The following PGP variants were observed in gnomAD, a reference collection of about 807,000 sequenced individuals.
PGP encodes the protein phosphoglycolate phosphatase.
A neutral mutation model predicts 19.3 loss-of-function variants in PGP; 9 were observed. That is an observed-to-expected ratio of 0.47 (90% CI 0.28 to 0.81). The LOEUF (loss-of-function observed/expected upper bound fraction) is 0.81, where lower values mean the gene tolerates loss of function less well. PGP is among the 40% of genes least tolerant of loss of function. The probability of loss-of-function intolerance (pLI) is 0.11; values close to 1 mark genes in which losing one functional copy is unlikely to be tolerated. For synonymous variants in PGP, 308 were observed against 226.8 expected, an observed-to-expected ratio of 1.36 and a Z score of -3.22; for missense variants, 403 against 479.9, an observed-to-expected ratio of 0.84 and a Z score of 1.50.
Position 2,212,640 on chromosome 16 carries a change from T to C in PGP, c.*1088A>G, listed in dbSNP as rs1175969580. The C allele has an allele frequency of 1.0e-6, 1 of 985,398 alleles. No individual in the cohort carries two copies. The highest frequency in any genetic ancestry group is 1.7e-5 in the African/African-American group (1 of 57,246). 61.0% of individuals were successfully genotyped at this position (985,398 alleles called of 1,614,324 possible). ...AAGGGGAGGACAGGAAGAGACTGGA[T>C]GCTTTGTAAAGGACTTCCTGTTCTT... On this transcript the variant is annotated 3_prime_UTR_variant, in exon 2 of 2. Transcript: ENST00000333503.
chr16:2,213,580 C>A lies in PGP; in HGVS notation c.*148G>T. 2 of 783,024 alleles carry A rather than the reference C, an allele frequency of 2.6e-6. No homozygotes were observed. The highest frequency in any genetic ancestry group is 3.7e-6 in the Non-Finnish European group (2 of 537,038). 48.5% of individuals were successfully genotyped at this position (783,024 alleles called of 1,614,324 possible). ...AAATCGTCCCCCAAACGTGTACTTA[C>A]AAGGTTAACAATGAATGCCTTTGCT... On this transcript the variant is annotated 3_prime_UTR_variant, in exon 2 of 2. Coordinates refer to ENST00000333503, the MANE Select transcript of PGP (RefSeq NM_001042371.3).
At position 2,213,678 on chromosome 16, in the gene PGP, T is replaced by G. The variant is rs886861919; in HGVS notation, c.*50A>C. The G allele has an allele frequency of 6.8e-7, 1 of 1,467,476 alleles. No individual in the cohort carries two copies. 90.9% of individuals were successfully genotyped at this position (1,467,476 alleles called of 1,614,324 possible). The stretch of plus-strand genomic sequence containing the variant: ...AGCCCCACCTATTAATTTGGGTAAC[T>G]GGTTTTCAATTTCTTTTTTTTTATT... On this transcript the variant is annotated 3_prime_UTR_variant, in exon 2 of 2. Coordinates refer to ENST00000333503, the MANE Select transcript of PGP (RefSeq NM_001042371.3).
chr16:2,211,957 G>C lies in PGP; in HGVS notation c.*1771C>G, dbSNP rs1159074676. 4.1e-6 allele frequency: 4 copies of C among 985,428 alleles called. No homozygotes were observed. The highest frequency in any genetic ancestry group is 4.8e-6 in the Non-Finnish European group (4 of 829,994). 61.0% of individuals were successfully genotyped at this position (985,428 alleles called of 1,614,324 possible). A position where few individuals can be genotyped will look rare whatever the true frequency, so the allele number is the denominator to read the frequency against. On this transcript the variant is annotated 3_prime_UTR_variant, in exon 2 of 2. Coordinates refer to ENST00000333503, the MANE Select transcript of PGP (RefSeq NM_001042371.3). Reference sequence around the variant, plus strand: ...CACCCGTGGTGAGACGGCATCACCCGGGCCAATGCAAGGTGAGAGCAAGGA... The same window carrying C: ...CACCCGTGGTGAGACGGCATCACCCCGGCCAATGCAAGGTGAGAGCAAGGA...
Position 2,213,819 on chromosome 16 carries a change from T to A in PGP, c.875A>T (p.Asn292Ile). ...GVSTLGDVKN[N>I]QESDCVSKKK... The stretch of plus-strand genomic sequence containing the variant: ...CTTAGACACGCAGTCACTTTCCTGA[T>A]TATTCTTCACATCCCCTAGAGTGGA... Residue 292 changes from asparagine (N) to isoleucine (I), a missense_variant, in exon 2 of 2, where the codon AAT becomes ATT. Physicochemically the swap from Asn to Ile is moderately radical, Grantham distance 149. Coordinates refer to ENST00000333503, the MANE Select transcript of PGP (RefSeq NM_001042371.3). 1.2e-6 allele frequency: 2 copies of A among 1,607,418 alleles called. No individual in the cohort carries two copies. Among genetic ancestry groups the A allele is most frequent in the Non-Finnish European group, 1.7e-6 (2 of 1,174,710 alleles).
chr16:2,214,097 CGCCGCCCGCCCCCCA>C lies in PGP; in HGVS notation c.640+26_640+40del. The C allele has an allele frequency of 4.7e-6, 4 of 849,030 alleles. No individual in the cohort carries two copies. Among genetic ancestry groups the C allele is most frequent in the African/African-American group, 1.8e-5 (1 of 56,612 alleles). 52.6% of individuals were successfully genotyped at this position (849,030 alleles called of 1,614,324 possible). A position where few individuals can be genotyped will look rare whatever the true frequency, so the allele number is the denominator to read the frequency against. On this transcript the variant is annotated intron_variant, in intron 1 of 1. Transcript: ENST00000333503. This position sits in a 1 kb window ranked among gnomAD's most constrained non-coding sequence, Gnocchi z 7.1. ...CGGGTCAAAGGGCAGGGAGGGGGCC[CGCCGCCCGCCCCCCA>C]GCCTCCCGCCCCAGGGCGCACGGAC...
At position 2,214,349 on chromosome 16, in the gene PGP, C is replaced by A. The variant is rs1406003203; in HGVS notation, c.429G>T (p.Val143=). ...CCTCGCCCTGCAGTGGCTCGGGCCC[C>A]ACGCCCACGCTGGCGACGCCCACGG... ...LEAVGVASVG[V]GPEPLQGEGP... The change falls in exon 1 of 2, where the codon GTG becomes GTT. Residue 143 remains valine, a synonymous_variant. Transcript: ENST00000333503. The surrounding 1 kb of genome is among the most constrained non-coding windows in gnomAD (Gnocchi z 7.1). 4 of 1,514,876 alleles carry A rather than the reference C, an allele frequency of 2.6e-6. No homozygotes were observed. The Middle Eastern group carries it at 6.2e-4, about 236-fold the overall frequency. The allele number at this position is 1,514,876 out of a possible 1,614,324, so 93.8% of individuals were successfully genotyped here. A position where few individuals can be genotyped will look rare whatever the true frequency, so the allele number is the denominator to read the frequency against.
Position 2,214,605 on chromosome 16 carries a change from G to A in PGP, c.173C>T (p.Ala58Val). Residue 58 changes from alanine (A) to valine (V), a missense_variant, in exon 1 of 2, where the codon GCC (alanine) becomes GTC (valine). Ala to Val is a moderately conservative substitution (Grantham distance 64). Coordinates refer to ENST00000333503, the MANE Select transcript of PGP (RefSeq NM_001042371.3). The surrounding 1 kb of genome is among the most constrained non-coding windows in gnomAD (Gnocchi z 7.1). ...GATGAAGCCCAGGCGCTTGCCGCGG[G>A]CTCGCAGCGCCCGCAGGGCCTCGGG... Reference protein sequence around the residue: ...GAPEALRALRARGKRLGFITN... With the variant: ...GAPEALRALRVRGKRLGFITN... 1 of 1,461,684 alleles carries A rather than the reference G, an allele frequency of 6.8e-7. No individual in the cohort carries two copies. The highest frequency in any genetic ancestry group is 9.0e-7 in the Non-Finnish European group (1 of 1,110,792). 90.5% of individuals were successfully genotyped at this position (1,461,684 alleles called of 1,614,324 possible). A position where few individuals can be genotyped will look rare whatever the true frequency, so the allele number is the denominator to read the frequency against.
Position 2,214,778 on chromosome 16 carries a change from C to T in PGP, c.-1G>A. 1.0e-6 allele frequency: 1 copy of T among 998,434 alleles called. No homozygotes were observed. Among genetic ancestry groups the T allele is most frequent in the South Asian group, 4.6e-5 (1 of 21,832 alleles). 61.8% of individuals were successfully genotyped at this position (998,434 alleles called of 1,614,324 possible). A position where few individuals can be genotyped will look rare whatever the true frequency, so the allele number is the denominator to read the frequency against. On this transcript the variant is annotated 5_prime_UTR_variant, in exon 1 of 2. Transcript: ENST00000333503. This position sits in a 1 kb window ranked among gnomAD's most constrained non-coding sequence, Gnocchi z 7.1. ...CGCCACCGGCCTCCGCCGCCGCCAT[C>T]GCCGCCCGCCGGCCGCCGCCGCCCG... is the stretch of plus-strand genomic sequence containing the variant.
Position 2,212,162 on chromosome 16 carries a change from C to G in PGP, c.*1566G>C, listed in dbSNP as rs893550701. Reference sequence around the variant, plus strand: ...TGTGACTGCACCCTGTCAGGCCAGACCCGGCTTGAGCCAACTTAGCCAAGC... The same window carrying G: ...TGTGACTGCACCCTGTCAGGCCAGAGCCGGCTTGAGCCAACTTAGCCAAGC... On this transcript the variant is annotated 3_prime_UTR_variant, in exon 2 of 2. Transcript: ENST00000333503. 2.0e-6 allele frequency: 2 copies of G among 985,616 alleles called. No homozygotes were observed. Among genetic ancestry groups the G allele is most frequent in the South Asian group, 9.4e-5 (2 of 21,296 alleles). 61.1% of individuals were successfully genotyped at this position (985,616 alleles called of 1,614,324 possible). A position where few individuals can be genotyped will look rare whatever the true frequency, so the allele number is the denominator to read the frequency against.
At position 2,214,806 on chromosome 16, in the gene PGP, G is replaced by C. The variant is rs1016605062; in HGVS notation, c.-29C>G. ...CGCCCGCCGGCCGCCGCCGCCCGCCGGCCGCTCCTCGCAGCCGCCCGCCGC... is the reference window on the plus strand; with the variant it reads ...CGCCCGCCGGCCGCCGCCGCCCGCCCGCCGCTCCTCGCAGCCGCCCGCCGC... On this transcript the variant is annotated 5_prime_UTR_variant, in exon 1 of 2. Transcript: ENST00000333503. The surrounding 1 kb of genome is among the most constrained non-coding windows in gnomAD (Gnocchi z 7.1). The C allele has an allele frequency of 2.1e-5, 18 of 846,506 alleles. No individual in the cohort carries two copies. Among genetic ancestry groups the C allele is most frequent in the East Asian group, 1.2e-4 (1 of 8,170 alleles). The allele number at this position is 846,506 out of a possible 1,614,324, so 52.4% of individuals were successfully genotyped here.
chr16:2,211,649 C>G lies in PGP; in HGVS notation c.*2079G>C. ...GCCAGGCTGGTCTTGAACTCCTGAT[C>G]TCAAGTAATCCACCTGCCTCAGCCT... On this transcript the variant is annotated 3_prime_UTR_variant, in exon 2 of 2. Transcript: ENST00000333503. 2.1e-6 allele frequency: 2 copies of G among 972,362 alleles called. No individual in the cohort carries two copies. The highest frequency in any genetic ancestry group is 2.4e-6 in the Non-Finnish European group (2 of 817,986). The allele number at this position is 972,362 out of a possible 1,614,324, so 60.2% of individuals were successfully genotyped here.
At position 2,214,801 on chromosome 16, in the gene PGP, C is replaced by T; in HGVS notation, c.-24G>A. ...ATCGCCGCCCGCCGGCCGCCGCCGC[C>T]CGCCGGCCGCTCCTCGCAGCCGCCC... On this transcript the variant is annotated 5_prime_UTR_variant, in exon 1 of 2. Coordinates refer to ENST00000333503, the MANE Select transcript of PGP (RefSeq NM_001042371.3). The surrounding 1 kb of genome is among the most constrained non-coding windows in gnomAD (Gnocchi z 7.1). The T allele has an allele frequency of 1.2e-6, 1 of 864,986 alleles. No homozygotes were observed. The highest frequency in any genetic ancestry group is 5.8e-4 in the Middle Eastern group (1 of 1,734). The allele number at this position is 864,986 out of a possible 1,614,324, so 53.6% of individuals were successfully genotyped here. A position where few individuals can be genotyped will look rare whatever the true frequency, so the allele number is the denominator to read the frequency against.
Position 2,212,864 on chromosome 16 carries a change from A to G in PGP, c.*864T>C, listed in dbSNP as rs777004303. ...GAATTTTGCCTACGACACAGAGCAC[A>G]GCTATTAATACACTTAAAATTCAAA... On this transcript the variant is annotated 3_prime_UTR_variant, in exon 2 of 2. Transcript: ENST00000333503. 20 of 985,516 alleles carry G rather than the reference A, an allele frequency of 2.0e-5. No homozygotes were observed. The highest frequency in any genetic ancestry group is 2.4e-5 in the Non-Finnish European group (20 of 829,950). 61.0% of individuals were successfully genotyped at this position (985,516 alleles called of 1,614,324 possible). A position where few individuals can be genotyped will look rare whatever the true frequency, so the allele number is the denominator to read the frequency against.
chr16:2,212,535 C>T lies in PGP; in HGVS notation c.*1193G>A, dbSNP rs1340242758. On this transcript the variant is annotated 3_prime_UTR_variant, in exon 2 of 2. Transcript: ENST00000333503. ...GAGCTGGTGGCCCTGCCAAGTCCTG[C>T]TGGCCACTGAAGAGGGAATCCAGGG... The T allele has an allele frequency of 2.0e-6, 2 of 985,422 alleles. No homozygotes were observed. Among genetic ancestry groups the T allele is most frequent in the African/African-American group, 1.7e-5 (1 of 57,262 alleles). 61.0% of individuals were successfully genotyped at this position (985,422 alleles called of 1,614,324 possible).
rs988079639 is a variant in PGP, at chr16:2,214,123, C to A, written c.640+15G>T. ...GCCGCCCGCCCCCCAGCCTCCCGCCCCAGGGCGCACGGACCCGCGATGAAG... is the reference window on the plus strand; with the variant it reads ...GCCGCCCGCCCCCCAGCCTCCCGCCACAGGGCGCACGGACCCGCGATGAAG... On this transcript the variant is annotated intron_variant, in intron 1 of 1. Transcript: ENST00000333503. This position sits in a 1 kb window ranked among gnomAD's most constrained non-coding sequence, Gnocchi z 7.1. 6.4e-7 allele frequency: 1 copy of A among 1,553,254 alleles called. No individual in the cohort carries two copies. The highest frequency in any genetic ancestry group is 8.6e-7 in the Non-Finnish European group (1 of 1,157,966).
chr16:2,214,261 CA>C lies in PGP; in HGVS notation c.516del (p.Phe172LeufsTer8). ...EPDVRAVVVG[F>X]DPHFSYMKLT... ...AGCTTCATGTAGCTGAAGTGCGGGTCAAAGCCCACCACCACCGCGCGCACGT... is the reference window on the plus strand; with the variant it reads ...AGCTTCATGTAGCTGAAGTGCGGGTCAAGCCCACCACCACCGCGCGCACGT... On this transcript the variant is annotated frameshift_variant, in exon 1 of 2. Transcript: ENST00000333503. LOFTEE classifies it high-confidence loss of function. This position sits in a 1 kb window ranked among gnomAD's most constrained non-coding sequence, Gnocchi z 7.1. 6.3e-7 allele frequency: 1 copy of C among 1,583,336 alleles called. No homozygotes were observed. The highest frequency in any genetic ancestry group is 8.5e-7 in the Non-Finnish European group (1 of 1,173,320).
In PGP at chr16:2,213,297, G is replaced by A. The variant is rs912783153; in HGVS notation, c.*431C>T. The stretch of plus-strand genomic sequence containing the variant: ...TTTCAGTCATACTGATGGGGCTCTG[G>A]TCCATGCAAGCCTCTCCCAACAGTC... On this transcript the variant is annotated 3_prime_UTR_variant, in exon 2 of 2. Coordinates refer to ENST00000333503, the MANE Select transcript of PGP (RefSeq NM_001042371.3). The A allele has an allele frequency of 1.0e-6, 1 of 987,442 alleles. No homozygotes were observed. The highest frequency in any genetic ancestry group is 1.2e-6 in the Non-Finnish European group (1 of 831,144). 61.2% of individuals were successfully genotyped at this position (987,442 alleles called of 1,614,324 possible).
In PGP at chr16:2,213,875, G is replaced by A. The variant is rs752897717; in HGVS notation, c.819C>T (p.Gly273=). ...CGGTGAGGGTCAGGATGGTCTTCAG[G>A]CCACAGGTGGCGCCTAGGAGGATGT... ...DTDILLGATC[G]LKTILTLTGV... The change falls in exon 2 of 2, where the codon GGC becomes GGT. Residue 273 remains glycine, a synonymous_variant. Coordinates refer to ENST00000333503, the MANE Select transcript of PGP (RefSeq NM_001042371.3). The A allele has an allele frequency of 1.3e-5, 21 of 1,613,224 alleles. No homozygotes were observed. Among genetic ancestry groups the A allele is most frequent in the South Asian group, 5.5e-5 (5 of 91,070 alleles).
rs62038850 is a variant in PGP, at chr16:2,212,986, G to A, written c.*742C>T. On this transcript the variant is annotated 3_prime_UTR_variant, in exon 2 of 2. Transcript: ENST00000333503. ...CCCGGAGTTCAGTGAAGGCGTCCAC[G>A]CCATGGTAGCTGCTCCGTCCAAATC... The A allele has an allele frequency of 0.022, 21,191 of 985,510 alleles. 251 individuals are homozygous for A. Among genetic ancestry groups the A allele is most frequent in the Non-Finnish European group, 0.024 (19,995 of 829,954 alleles). 61.0% of individuals were successfully genotyped at this position (985,510 alleles called of 1,614,324 possible).
Sources: allele counts gnomAD v4.1 joint callset, GRCh38; gene constraint gnomAD v4.1.1; non-coding constraint Gnocchi (gnomAD v3.1); transcripts MANE v1.5; gene names NCBI Gene and HGNC (gene_info 2026-07-23, HGNC 2026-07-21).